Variants in PTPRM observed in about 807,000 individuals in gnomAD.
PTPRM encodes the protein receptor-type tyrosine-protein phosphatase mu.
PTPRM carries 47 observed loss-of-function variants against 186.7 expected under a neutral mutation model. The observed-to-expected ratio is 0.25, with a 90% confidence interval of 0.20 to 0.32. The LOEUF (loss-of-function observed/expected upper bound fraction) is 0.32. PTPRM is among the 10% of genes least tolerant of loss of function. The probability of loss-of-function intolerance (pLI) is 1.00; values close to 1 mark genes in which losing one functional copy is unlikely to be tolerated. For synonymous variants in PTPRM, 668 were observed against 674.9 expected, an observed-to-expected ratio of 0.99 and a Z score of 0.16; for missense variants, 1,494 against 1,865.0, an observed-to-expected ratio of 0.80 and a Z score of 3.66.
intron 7 of PTPRM, among the ~76,000 whole-genome samples, chr18:8,003,493 TAGAA>T (rs1243059872): frequency 6.6e-6 from 1 of 152,190 alleles, no homozygotes; most frequent in Non-Finnish European, 1.5e-5. Context: ...TCTCCAGATT[TAGAA>T]AGAGAGAGGA....
chr18:7,887,475 G>C (rs557042028), intron 2 of PTPRM, among the ~76,000 whole-genome samples: 131 of 152,256 alleles, frequency 8.6e-4, no homozygotes, highest in African/African-American at 3.0e-3. Context: ...ATGGAGGTGG[G>C]GTACTGGTGC....
At chr18:8,392,128 C>T (rs1274048846) in intron 31 of PTPRM, among the ~76,000 whole-genome samples, 2 of 152,060 alleles carry the variant, frequency 1.3e-5, no homozygotes, top group Non-Finnish European at 2.9e-5. Flanking sequence ...ACATACCAAC[C>T]AAATCCAATC....
chr18:7,992,411 G>A (rs1372791147), intron 7 of PTPRM, among the ~76,000 whole-genome samples: 2 of 152,118 alleles, frequency 1.3e-5, no homozygotes, highest in African/African-American at 4.8e-5. Flanking sequence ...GCTTCTTTGA[G>A]GTTCAGAAGT....
chr18:7,577,811 C>T (rs569834856), intron 1 of PTPRM, among the ~76,000 whole-genome samples: 23 of 152,278 alleles, frequency 1.5e-4, no homozygotes, highest in African/African-American at 5.5e-4. Flanking sequence ...GTCTCTCTGT[C>T]TGTCATCATT....
At chr18:7,977,580 T>C (rs901469618) in intron 7 of PTPRM, among the ~76,000 whole-genome samples, 1 of 152,162 alleles carries the variant, frequency 6.6e-6, no homozygotes, top group African/African-American at 2.4e-5. Context: ...AATGTCTCTC[T>C]TGAGAGCAAA....
intron 14 of PTPRM, among the ~76,000 whole-genome samples, chr18:8,214,917 C>A (rs754527767): frequency 6.6e-6 from 1 of 152,196 alleles, no homozygotes; most frequent in Non-Finnish European, 1.5e-5. Flanking sequence ...CCCCCTTGGC[C>A]TCCCAAATTA....
At chr18:7,669,423 G>A (rs187735537) in intron 1 of PTPRM, among the ~76,000 whole-genome samples, 72 of 152,288 alleles carry the variant, frequency 4.7e-4, no homozygotes, top group Non-Finnish European at 7.1e-4. Flanking sequence ...ACAGGTGTCT[G>A]TCCATTTGCA....
intron 19 of PTPRM, among the ~76,000 whole-genome samples, chr18:8,255,754 G>C (rs2094568774): frequency 6.6e-6 from 1 of 152,224 alleles, no homozygotes; most frequent in African/African-American, 2.4e-5. Flanking sequence ...CCGTCACTGA[G>C]TACCGTGCCC....
intron 14 of PTPRM, among the ~76,000 whole-genome samples, chr18:8,224,997 A>G (rs2094196732): frequency 6.6e-6 from 1 of 152,220 alleles, no homozygotes; most frequent in African/African-American, 2.4e-5. Context: ...TCATCCATCC[A>G]TTTTAAAGTT....
At chr18:8,361,371 G>A (rs895101792) in intron 23 of PTPRM, among the ~76,000 whole-genome samples, 1 of 152,140 alleles carries the variant, frequency 6.6e-6, no homozygotes, top group African/African-American at 2.4e-5. Flanking sequence ...TTCCCTTCTC[G>A]ATAGCAGAAG....
intron 1 of PTPRM, among the ~76,000 whole-genome samples, chr18:7,688,419 G>T (rs911152718): frequency 6.6e-6 from 1 of 152,170 alleles, no homozygotes; most frequent in Non-Finnish European, 1.5e-5. Context: ...ACACAAGATG[G>T]TCCTTCCAGA....
chr18:7,651,233 G>GA (rs1328793803), intron 1 of PTPRM, among the ~76,000 whole-genome samples: 3 of 152,050 alleles, frequency 2.0e-5, no homozygotes, highest in Non-Finnish European at 2.9e-5. Flanking sequence ...AAGATGAGAG[G>GA]AAGCCCATGT....
At chr18:7,616,326 T>C (rs1019223771) in intron 1 of PTPRM, among the ~76,000 whole-genome samples, 2 of 152,070 alleles carry the variant, frequency 1.3e-5, no homozygotes, top group Non-Finnish European at 1.5e-5. Context: ...ACCCTGCTAA[T>C]TTTTAAAATT....
chr18:7,914,319 T>C (rs2050431377), intron 4 of PTPRM, among the ~76,000 whole-genome samples: 1 of 152,160 alleles, frequency 6.6e-6, no homozygotes, highest in African/African-American at 2.4e-5. Flanking sequence ...GTGGCTACCT[T>C]AGTTTTCTCT....
intron 1 of PTPRM, among the ~76,000 whole-genome samples, chr18:7,676,689 G>GCA (rs33944066): frequency 1.7e-5 from 2 of 118,352 alleles, no homozygotes; most frequent in African/African-American, 6.6e-5. Flanking sequence ...GTGTGTGTGT[G>GCA]CGCGTGCACG....
At chr18:8,088,418 G>A (rs889176599) in intron 10 of PTPRM, among the ~76,000 whole-genome samples, 1 of 152,172 alleles carries the variant, frequency 6.6e-6, no homozygotes, top group African/African-American at 2.4e-5. Context: ...TGTACCAATT[G>A]TAAGTGTACA....
intron 2 of PTPRM, among the ~76,000 whole-genome samples, chr18:7,880,512 G>A (rs2048452619): frequency 6.6e-6 from 1 of 152,150 alleles, no homozygotes; most frequent in Non-Finnish European, 1.5e-5. Context: ...TTGTAGGAAG[G>A]GCATAGAAGA....
intron 2 of PTPRM, among the ~76,000 whole-genome samples, chr18:7,846,247 T>G (rs1379674984): frequency 2.6e-5 from 4 of 152,164 alleles, no homozygotes; most frequent in Non-Finnish European, 5.9e-5. Flanking sequence ...CAAGACAAAT[T>G]ATTTGTATGT....
intron 1 of PTPRM, among the ~76,000 whole-genome samples, chr18:7,751,935 A>G (rs1045546567): frequency 6.6e-6 from 1 of 152,180 alleles, no homozygotes; most frequent in African/African-American, 2.4e-5. Flanking sequence ...GTTGAGTGCT[A>G]CCAATGTGAA....
Sources: gnomAD v4.1 joint callset for allele counts (sites outside exome capture counted in the v4.1 genomes callset) on GRCh38, gnomAD v4.1.1 for gene constraint, MANE v1.5 for transcripts, NCBI Gene and HGNC (gene_info 2026-07-23, HGNC 2026-07-21) for gene names.